Variants in FGF14 observed in about 807,000 individuals in gnomAD.
FGF14 encodes the protein fibroblast growth factor homologous factor 4.
FGF14 carries 5 observed loss-of-function variants against 25.5 expected under a neutral mutation model. That is an observed-to-expected ratio of 0.20 (90% CI 0.10 to 0.41). The LOEUF is 0.41. FGF14 is among the 10% of genes least tolerant of loss of function. The pLI is 1.00. For missense variants in FGF14, 222 were observed against 320.1 expected (o/e 0.69, Z 2.34); for synonymous variants, 138 against 118.3 (o/e 1.17, Z -1.08).
intron 1 of FGF14, among the ~76,000 whole-genome samples, chr13:102,041,430 C>T (rs892440488): frequency 2.0e-4 from 30 of 151,296 alleles, no homozygotes; most frequent in African/African-American, 7.1e-4. Context: ...ATTCCTATTG[C>T]TATTTGTGAT....
At chr13:102,023,217 G>T (rs2040759699) in intron 1 of FGF14, among the ~76,000 whole-genome samples, 1 of 151,928 alleles carries the variant, frequency 6.6e-6, no homozygotes, top group African/African-American at 2.4e-5. Context: ...GTAAGTAAAT[G>T]AATTTAGAGC....
intron 1 of FGF14, among the ~76,000 whole-genome samples, chr13:102,158,480 T>G (rs1594198924): frequency 8.3e-6 from 1 of 120,698 alleles, no homozygotes; most frequent in African/African-American, 3.3e-5. Context: ...TGAGAACACA[T>G]GGACACAGGA....
intron 1 of FGF14, among the ~76,000 whole-genome samples, chr13:101,944,255 A>T (rs1225708157): frequency 1.3e-5 from 2 of 152,206 alleles, no homozygotes; most frequent in African/African-American, 4.8e-5. Flanking sequence ...GGTCTTCCTC[A>T]GGATTAAATG....
chr13:102,187,101 G>A (rs2048909035), intron 1 of FGF14, among the ~76,000 whole-genome samples: 3 of 152,144 alleles, frequency 2.0e-5, no homozygotes, highest in Admixed American at 1.3e-4. Context: ...GGTTACATAT[G>A]GAGGACAAAT....
At chr13:101,936,773 G>A (rs1277842005) in intron 1 of FGF14, among the ~76,000 whole-genome samples, 1 of 152,146 alleles carries the variant, frequency 6.6e-6, no homozygotes, top group Non-Finnish European at 1.5e-5. Flanking sequence ...TCAATAATAT[G>A]TGCTGAAAGA....
intron 1 of FGF14, among the ~76,000 whole-genome samples, chr13:101,898,391 A>G (rs1319057656): frequency 7.0e-6 from 1 of 143,070 alleles, no homozygotes; most frequent in East Asian, 2.0e-4. Context: ...CCCAGAAATG[A>G]GTATTGACAG....
intron 1 of FGF14, among the ~76,000 whole-genome samples, chr13:102,176,324 ACCAAATACCGTATGT>A (rs932391657): frequency 6.6e-6 from 1 of 152,102 alleles, no homozygotes; most frequent in Non-Finnish European, 1.5e-5. Flanking sequence ...GAAACAGAAA[ACCAAATACCGTATGT>A]CCTCACTTAT....
In FGF14 at chr13:101,797,879, A is replaced by C. The variant is rs114089441; in HGVS notation, c.408+70846T>G. On this transcript the variant is annotated intron_variant, in intron 3 of 4. Coordinates refer to ENST00000376143, the MANE Select transcript of FGF14 (RefSeq NM_004115.4). ...AAAACCAAATAATCATTTGTTCAATAATCATTGTCTTGAAGTTGTTTCAAA... is the reference window on the plus strand; with the variant it reads ...AAAACCAAATAATCATTTGTTCAATCATCATTGTCTTGAAGTTGTTTCAAA... 4.3e-3 allele frequency among the ~76,000 whole-genome samples: 657 copies of C among 152,128 alleles called. 5 individuals carry two copies. The highest frequency in any genetic ancestry group is 0.015 in the African/African-American group (621 of 41,518).
chr13:102,190,652 G>A lies in FGF14; in HGVS notation c.208+210819C>T, dbSNP rs182218138. ...ATAAAACCAATGTTAGGAAGACAAC[G>A]AAAAGTCAATTAAATTAATATACTC... On this transcript the variant is annotated intron_variant, in intron 1 of 4. Coordinates refer to the FGF14 transcript ENST00000376131. 3.3e-3 allele frequency among the ~76,000 whole-genome samples: 504 copies of A among 152,208 alleles called. 1 individual carries two copies. Among genetic ancestry groups the A allele is most frequent in the African/African-American group, 0.011 (442 of 41,532 alleles).
chr13:102,089,453 C>G (rs1453559743), intron 1 of FGF14, among the ~76,000 whole-genome samples: 1 of 152,130 alleles, frequency 6.6e-6, no homozygotes, highest in Non-Finnish European at 1.5e-5. Context: ...ATAAGAAGCA[C>G]TAATATACCT....
At chr13:102,310,805 T>C (rs1359838856) in intron 1 of FGF14, among the ~76,000 whole-genome samples, 3 of 151,074 alleles carry the variant, frequency 2.0e-5, no homozygotes, top group African/African-American at 7.3e-5. Flanking sequence ...CTCCAGCAGG[T>C]CTGAAGTCCC....
intron 1 of FGF14, among the ~76,000 whole-genome samples, chr13:101,969,372 G>A (rs557200019): frequency 3.3e-5 from 5 of 152,174 alleles, no homozygotes; most frequent in East Asian, 1.9e-4. Context: ...GACCATCCTG[G>A]CTAACACGGT....
At chr13:101,748,235 A>T (rs2037019721) in intron 3 of FGF14, among the ~76,000 whole-genome samples, 1 of 151,996 alleles carries the variant, frequency 6.6e-6, no homozygotes, top group Non-Finnish European at 1.5e-5. Flanking sequence ...CCATCAACAG[A>T]TGATTGGATA....
intron 1 of FGF14, among the ~76,000 whole-genome samples, chr13:102,335,785 GTC>G (rs752063641): frequency 1.1e-4 from 16 of 152,230 alleles, no homozygotes; most frequent in Non-Finnish European, 2.2e-4. Context: ...GACACCCTGT[GTC>G]TCTGTGTCAC....
chr13:101,921,061 T>C (rs565050979), upstream of FGF14, among the ~76,000 whole-genome samples: 91 of 116,114 alleles, frequency 7.8e-4, no homozygotes, highest in African/African-American at 4.7e-3. Context: ...CACACTCCTC[T>C]TGATGATTAA....
At chr13:102,133,702 T>A (rs2046296162) in intron 1 of FGF14, among the ~76,000 whole-genome samples, 1 of 152,234 alleles carries the variant, frequency 6.6e-6, no homozygotes, top group Non-Finnish European at 1.5e-5. Context: ...GTGGATTAAT[T>A]AGTTACTAGC....
rs181706494 is a variant in FGF14 at position 101,958,552 on chromosome 13, G to C, written c.209-83256C>G. On this transcript the variant is annotated intron_variant, in intron 1 of 4. Transcript: ENST00000376131. ...CTTGTGTTCTCTCTACACTCCACTT[G>C]CTGCTCTTCAAAGCACAATAAAGTC... Among the ~76,000 whole-genome samples the C allele has an allele frequency of 7.9e-4, 120 of 152,252 alleles. 3 individuals are homozygous for C. The South Asian group carries it at 0.017, about 22-fold the overall frequency.
At chr13:102,091,725 T>TC (rs762630038) in intron 1 of FGF14, among the ~76,000 whole-genome samples, 1 of 152,086 alleles carries the variant, frequency 6.6e-6, no homozygotes, top group African/African-American at 2.4e-5. Flanking sequence ...TTCCTTTTTT[T>TC]CCCCACAATT....
At chr13:102,204,214 G>T (rs1027016496) in intron 1 of FGF14, among the ~76,000 whole-genome samples, 2 of 152,172 alleles carry the variant, frequency 1.3e-5, no homozygotes, top group Non-Finnish European at 2.9e-5. Context: ...GCCCACTTCA[G>T]CCAAGCTTGT....
Sources: allele counts gnomAD v4.1 joint callset (sites outside exome capture counted in the v4.1 genomes callset), GRCh38; gene constraint gnomAD v4.1.1; transcripts MANE v1.5; gene names NCBI Gene and HGNC (gene_info 2026-07-23, HGNC 2026-07-21).